The following NOL9 variants were observed in gnomAD, a reference collection of about 807,000 sequenced individuals.
The protein encoded by NOL9 is nucleolar protein 9, also known as polynucleotide 5'-hydroxyl-kinase NOL9.
A neutral mutation model predicts 67.9 loss-of-function variants in NOL9; 28 were observed. The ratio of observed to expected loss-of-function variants is 0.41; its 90% CI spans 0.31 to 0.57. The LOEUF (loss-of-function observed/expected upper bound fraction) is 0.57. NOL9 is among the 20% of genes least tolerant of loss of function. The probability of loss-of-function intolerance (pLI) is 0.25; values close to 1 mark genes in which losing one functional copy is unlikely to be tolerated. For synonymous variants in NOL9, 356 were observed against 352.2 expected (o/e 1.01, Z -0.12); for missense variants, 777 against 897.0 (o/e 0.87, Z 1.71).
chr1:6,541,829 C>T lies in NOL9; in HGVS notation c.1075+1G>A. 1.9e-6 allele frequency: 3 copies of T among 1,564,222 alleles called. No homozygotes were observed. The highest frequency in any genetic ancestry group is 2.6e-6 in the Non-Finnish European group (3 of 1,144,912). On this transcript the variant is annotated splice_donor_variant, in intron 6 of 11. Coordinates refer to ENST00000377705, the MANE Select transcript of NOL9 (RefSeq NM_024654.5). LOFTEE classifies it high-confidence loss of function. ...ACATTTGAGAAATATGTAATACATA[C>T]CCAGAACTGGTTCTGTAATATTAAG...
intron 5 of NOL9, among the ~76,000 whole-genome samples, chr1:6,542,314 C>T (rs1639312878): frequency 6.6e-6 from 1 of 151,816 alleles, no homozygotes; most frequent in South Asian, 2.1e-4. Flanking sequence ...GCACCCACCA[C>T]CATGCCCGGC....
At chr1:6,537,996 A>G (rs1639193857) in intron 6 of NOL9, among the ~76,000 whole-genome samples, 1 of 142,940 alleles carries the variant, frequency 7.0e-6, no homozygotes, top group Admixed American at 7.1e-5. Context: ...CATCTCAAAA[A>G]AAAAAAAAAA....
intron 6 of NOL9, among the ~76,000 whole-genome samples, chr1:6,538,420 C>A (rs559403793): frequency 3.9e-5 from 6 of 152,198 alleles, no homozygotes; most frequent in South Asian, 2.1e-4. Flanking sequence ...CGCCTGTAAT[C>A]CAGGCACTTT....
intron 11 of NOL9, among the ~76,000 whole-genome samples, chr1:6,526,378 G>A (rs918377634): frequency 1.2e-4 from 18 of 152,146 alleles, no homozygotes; most frequent in Non-Finnish European, 1.9e-4. Context: ...ACCTGGTCCC[G>A]TGATGCCTCT....
chr1:6,532,901 A>G (rs778467182), intron 7 of NOL9, 141 bp from the exon 8 acceptor site: 9 of 845,168 alleles, frequency 1.1e-5, no homozygotes, highest in Non-Finnish European at 1.4e-5. Context: ...GGCTGGGCAC[A>G]GTGGCTCATG....
intron 1 of NOL9, among the ~76,000 whole-genome samples, chr1:6,551,847 C>T (rs964570104): frequency 1.2e-4 from 18 of 151,890 alleles, no homozygotes; most frequent in African/African-American, 3.4e-4. Flanking sequence ...CAGGCTAACA[C>T]GGTGAAACCC....
intron 2 of NOL9, among the ~76,000 whole-genome samples, chr1:6,549,999 T>C (rs1639508320): frequency 6.6e-6 from 1 of 152,014 alleles, no homozygotes; most frequent in Admixed American, 6.6e-5. Context: ...CACAACGTCC[T>C]TAGCACACTG....
In NOL9 at chr1:6,550,513, A is replaced by G. The variant is rs1281001928; in HGVS notation, c.499T>C (p.Ser167Pro). The change falls in exon 2 of 12, where the codon TCT (serine) becomes CCT (proline). Residue 167 changes from serine (S) to proline (P), a missense_variant. Ser to Pro is a moderately conservative substitution (Grantham distance 74, BLOSUM62 -1). Coordinates refer to ENST00000377705, the MANE Select transcript of NOL9 (RefSeq NM_024654.5). Reference sequence around the variant, plus strand: ...CTCAAGCAAGAGTGGGTATACACAGAGAAGATGTCTTGGGCAGGCTGGCCT... The same window carrying G: ...CTCAAGCAAGAGTGGGTATACACAGGGAAGATGTCTTGGGCAGGCTGGCCT... ...SQGQPAQDIF[S>P]VYTHSCLSIH... 1.2e-6 allele frequency: 2 copies of G among 1,614,102 alleles called. No individual in the cohort carries two copies.
At chr1:6,550,366 C>T in intron 2 of NOL9, 30 bp downstream of exon 2, 2 of 1,578,930 alleles carry the variant, frequency 1.3e-6, no homozygotes, top group Non-Finnish European at 1.7e-6. Context: ...ACAGTAGGCC[C>T]TCAGTAAATT....
chr1:6,522,416 GGCA>G lies in NOL9; in HGVS notation c.*3435_*3437del, dbSNP rs1638789813. 6.6e-6 allele frequency: 1 copy of G among 152,092 alleles called. No individual in the cohort carries two copies. The highest frequency in any genetic ancestry group is 1.5e-5 in the Non-Finnish European group (1 of 68,060). The allele number at this position is 152,092 out of a possible 1,614,324, so 9.4% of individuals were successfully genotyped here. On this transcript the variant is annotated 3_prime_UTR_variant, in exon 12 of 12. Transcript: ENST00000377705. ...AATACAAAAATTAGCTGGGTGTGGTGGCAGGCGCCTGTAATCCCAGCTACTTGG... is the reference window on the plus strand; with the variant it reads ...AATACAAAAATTAGCTGGGTGTGGTGGGCGCCTGTAATCCCAGCTACTTGG...
intron 9 of NOL9, 114 bp downstream of exon 9, chr1:6,531,854 C>G (rs1639035135): frequency 2.5e-6 from 2 of 787,912 alleles, no homozygotes; most frequent in African/African-American, 1.7e-5. Flanking sequence ...CTGGGATGTT[C>G]TGAGGATTAA....
In NOL9 at chr1:6,527,265, A is replaced by G. The variant is rs147167511; in HGVS notation, c.1826-436T>C. On this transcript the variant is annotated intron_variant, in intron 10 of 11. Coordinates refer to ENST00000377705, the MANE Select transcript of NOL9 (RefSeq NM_024654.5). ...GTCTCAAAAAAAAAAAAAAAATACA[A>G]AGAGTCAAGAGATGGAGTCCTTGAA... 4.2e-4 allele frequency among the ~76,000 whole-genome samples: 4 copies of G among 9,498 alleles called. 1 individual carries two copies. In the Non-Finnish European group the frequency reaches 4.3e-3, roughly 10 times the overall value. The allele number at this position is 9,498 out of a possible 152,430, so 6.2% of individuals were successfully genotyped here.
At chr1:6,546,755 T>C (rs1425948776) in intron 3 of NOL9, among the ~76,000 whole-genome samples, 1 of 152,196 alleles carries the variant, frequency 6.6e-6, no homozygotes, top group Non-Finnish European at 1.5e-5. Context: ...CATGTTTTTT[T>C]CATCCATCTT....
intron 5 of NOL9, among the ~76,000 whole-genome samples, chr1:6,543,878 C>T (rs1379294386): frequency 6.6e-6 from 1 of 152,108 alleles, no homozygotes; most frequent in East Asian, 1.9e-4. Flanking sequence ...GTAATCCTAG[C>T]ACTTTGGGAG....
At chr1:6,531,892 G>T in intron 9 of NOL9, 76 bp downstream of exon 9, 1 of 1,097,318 alleles carries the variant, frequency 9.1e-7, no homozygotes, top group South Asian at 1.3e-5. Flanking sequence ...TAGTGGTTAG[G>T]AGAGCGCCCA....
At chr1:6,534,787 CTCTCTCTT>C (rs1639112018) in intron 6 of NOL9, among the ~76,000 whole-genome samples, 1 of 152,018 alleles carries the variant, frequency 6.6e-6, no homozygotes, top group Non-Finnish European at 1.5e-5. Flanking sequence ...CTCTCTGTCT[CTCTCTCTT>C]TCTCTCTTTT....
chr1:6,532,488 C>G lies in NOL9; in HGVS notation c.1510G>C (p.Ala504Pro). The change falls in exon 8 of 12, where the codon GCA becomes CCA. Residue 504 changes from alanine (A) to proline (P), a missense_variant. By Grantham distance (27) the Ala-to-Pro change is conservative. Around this residue, in one of 2 missense-constraint regions of NOL9, gnomAD observed 413 missense variants for 552.6 expected, o/e 0.75. Coordinates refer to ENST00000377705, the MANE Select transcript of NOL9 (RefSeq NM_024654.5). The part of the protein sequence containing the change: ...HKLIGVYTDF[A>P]FRITPRNRES... ...CTATTTCTTGGAGTTATTCTGAATG[C>G]AAAGTCTGTATAAACACCTATCAGT... 1 of 1,611,650 alleles carries G rather than the reference C, an allele frequency of 6.2e-7. No homozygotes were observed. Among genetic ancestry groups the G allele is most frequent in the South Asian group, 1.1e-5 (1 of 91,002 alleles).
intron 3 of NOL9, among the ~76,000 whole-genome samples, chr1:6,546,585 T>C (rs1639425717): frequency 6.6e-6 from 1 of 152,158 alleles, no homozygotes; most frequent in Non-Finnish European, 1.5e-5. Context: ...GGACTTCCTC[T>C]AGCCACTATG....
chr1:6,526,112 G>C (rs1031781074), intron 11 of NOL9, 109 bp from the exon 12 acceptor site: 6 of 970,152 alleles, frequency 6.2e-6, no homozygotes, highest in Admixed American at 4.1e-5. Context: ...GGTCTGGGTG[G>C]GGACTTCTCA....
Sources: allele counts gnomAD v4.1 joint callset (sites outside exome capture counted in the v4.1 genomes callset), GRCh38; gene constraint gnomAD v4.1.1; regional missense constraint gnomAD v4.1.1; transcripts MANE v1.5; gene names NCBI Gene and HGNC (gene_info 2026-07-23, HGNC 2026-07-21).